RBFOX1: variants seen among roughly 807,000 people sequenced by gnomAD.
The protein encoded by RBFOX1 is RNA binding protein fox-1 homolog 1.
Under a neutral mutation model 57.7 loss-of-function variants are expected in RBFOX1, and 8 were observed. The observed-to-expected ratio is 0.14, with a 90% CI of 0.08 to 0.25. The LOEUF (loss-of-function observed/expected upper bound fraction) is 0.25, where lower values mean the gene tolerates loss of function less well. Among genes scored for constraint, RBFOX1 ranks in the 10% least tolerant of loss-of-function variants. The pLI, the probability that RBFOX1 is intolerant of heterozygous loss-of-function variation, is 1.00. For synonymous variants in RBFOX1, 326 were observed against 222.4 expected, an observed-to-expected ratio of 1.47 and a Z score of -4.15; for missense variants, 611 against 548.5, an observed-to-expected ratio of 1.11 and a Z score of -1.14.
chr16:7,242,998 T>G (rs1023231914), intron 4 of RBFOX1, among the ~76,000 whole-genome samples: 2 of 152,206 alleles, frequency 1.3e-5, no homozygotes, highest in African/African-American at 4.8e-5. Context: ...CCTCTTGTTT[T>G]TGTTACTTGG....
At chr16:6,075,686 A>C in intron 1 of RBFOX1, among the ~76,000 whole-genome samples, 1 of 152,232 alleles carries the variant, frequency 6.6e-6, no homozygotes, top group Non-Finnish European at 1.5e-5. Flanking sequence ...GAGTTGGATA[A>C]TCTGTTGCTA....
chr16:7,555,140 C>T (rs754694165), intron 5 of RBFOX1, among the ~76,000 whole-genome samples: 1 of 152,144 alleles, frequency 6.6e-6, no homozygotes, highest in African/African-American at 2.4e-5. Context: ...TGCATCTCCC[C>T]ACCCTCTTAC....
intron 4 of RBFOX1, among the ~76,000 whole-genome samples, chr16:7,446,728 C>A (rs969745010): frequency 1.3e-5 from 2 of 149,130 alleles, no homozygotes; most frequent in African/African-American, 4.9e-5. Context: ...TTTTCTCTTA[C>A]TAAAGAAGAC....
chr16:7,287,081 A>G (rs2095665025), intron 4 of RBFOX1, among the ~76,000 whole-genome samples: 1 of 152,210 alleles, frequency 6.6e-6, no homozygotes, highest in Non-Finnish European at 1.5e-5. Context: ...CTTTGTTCCA[A>G]GATCATTATG....
intron 4 of RBFOX1, among the ~76,000 whole-genome samples, chr16:7,473,058 G>T (rs953648533): frequency 3.3e-5 from 5 of 152,140 alleles, no homozygotes; most frequent in African/African-American, 1.2e-4. Context: ...TCCAAGGGTT[G>T]ATACAAACGA....
intron 3 of RBFOX1, among the ~76,000 whole-genome samples, chr16:5,823,967 T>C (rs776097201): frequency 4.6e-5 from 7 of 152,108 alleles, no homozygotes; most frequent in African/African-American, 7.2e-5. Context: ...ATGAAACCAG[T>C]CCCTGGTGCC....
At chr16:5,413,196 T>G (rs768898957) in intron 1 of RBFOX1, among the ~76,000 whole-genome samples, 5 of 152,176 alleles carry the variant, frequency 3.3e-5, no homozygotes, top group African/African-American at 7.2e-5. Flanking sequence ...GGGGTGCCTC[T>G]TAACTAAGAA....
At chr16:7,163,624 C>T (rs1262357532) in intron 4 of RBFOX1, among the ~76,000 whole-genome samples, 1 of 151,630 alleles carries the variant, frequency 6.6e-6, no homozygotes, top group East Asian at 1.9e-4. Flanking sequence ...ACTTTTTTTT[C>T]AAGTTTTATT....
chr16:7,535,994 C>T (rs1284479709), intron 5 of RBFOX1, among the ~76,000 whole-genome samples: 2 of 152,186 alleles, frequency 1.3e-5, no homozygotes, highest in African/African-American at 4.8e-5. Context: ...ATAGCTTCTC[C>T]TTCAAGGAAT....
rs79354580 is a variant in RBFOX1 at position 6,978,814 on chromosome 16, A to G, written c.-15-73243A>G. ...GCTCTGTGGCTACAATACATTGCCT[A>G]TATCGGGTAACAAATGCCTTCAATC... On this transcript the variant is annotated intron_variant, in intron 3 of 15. Coordinates refer to ENST00000550418, the MANE Select transcript of RBFOX1 (RefSeq NM_018723.4). Among the ~76,000 whole-genome samples, 311 of 152,294 alleles carry G rather than the reference A, an allele frequency of 2.0e-3. 1 individual carries two copies. The highest frequency in any genetic ancestry group is 0.015 in the Admixed American group (236 of 15,292).
intron 3 of RBFOX1, among the ~76,000 whole-genome samples, chr16:6,803,641 G>T (rs2086019239): frequency 6.6e-6 from 1 of 152,176 alleles, no homozygotes; most frequent in South Asian, 2.1e-4. Context: ...TTTAGCAAAA[G>T]AATCTTTCAC....
chr16:7,161,038 T>G (rs1448065382), intron 4 of RBFOX1, among the ~76,000 whole-genome samples: 3 of 151,992 alleles, frequency 2.0e-5, no homozygotes, highest in Non-Finnish European at 4.4e-5. Flanking sequence ...TGTCAGTGTT[T>G]TGGTTCAGGT....
intron 3 of RBFOX1, among the ~76,000 whole-genome samples, chr16:6,917,074 C>G (rs961902422): frequency 2.6e-5 from 4 of 152,200 alleles, no homozygotes; most frequent in African/African-American, 4.8e-5. Context: ...TAGTCCTGAA[C>G]TCATGATCTG....
intron 1 of RBFOX1, among the ~76,000 whole-genome samples, chr16:5,362,145 C>G (rs2065569643): frequency 6.6e-6 from 1 of 152,058 alleles, no homozygotes; most frequent in South Asian, 2.1e-4. Context: ...TATCTACAGG[C>G]ATAATATTGT....
At position 6,362,532 on chromosome 16, in the gene RBFOX1, T is replaced by C. The variant is rs79971955; in HGVS notation, c.-64+45475T>C. ...GCTCACGCATTTGTGTGCCAGGACA[T>C]ATGAAATTAAGTTTACCTGATGCTC... On this transcript the variant is annotated intron_variant, in intron 2 of 15. Transcript: ENST00000550418. 1.2e-4 allele frequency among the ~76,000 whole-genome samples: 19 copies of C among 152,320 alleles called. No homozygotes were observed. The East Asian group carries it at 3.7e-3, about 29-fold the overall frequency.
chr16:7,531,147 A>T (rs1276036286), intron 5 of RBFOX1, among the ~76,000 whole-genome samples: 1 of 152,206 alleles, frequency 6.6e-6, no homozygotes. Context: ...AATAAAAAAA[A>T]ATATGTAGAG....
At chr16:6,519,033 C>T (rs751211294) in intron 2 of RBFOX1, among the ~76,000 whole-genome samples, 2 of 151,846 alleles carry the variant, frequency 1.3e-5, no homozygotes, top group African/African-American at 4.8e-5. Flanking sequence ...AGAAGATAAA[C>T]ACTTAATTCT....
intron 1 of RBFOX1, among the ~76,000 whole-genome samples, chr16:6,152,003 C>T (rs114364691): frequency 0.025 from 3,771 of 152,218 alleles, 60 homozygotes; most frequent in South Asian, 0.033. Flanking sequence ...ATAGCCATTC[C>T]TTGGGTTTCT....
At chr16:5,790,067 G>A (rs1357070547) in intron 3 of RBFOX1, among the ~76,000 whole-genome samples, 3 of 152,182 alleles carry the variant, frequency 2.0e-5, no homozygotes, top group Non-Finnish European at 4.4e-5. Context: ...GTGGTTATTC[G>A]GGACTCCAGG....
Sources: gnomAD v4.1 joint callset for allele counts (sites outside exome capture counted in the v4.1 genomes callset) on GRCh38, gnomAD v4.1.1 for gene constraint, MANE v1.5 for transcripts, NCBI Gene and HGNC (gene_info 2026-07-23, HGNC 2026-07-21) for gene names.